ZNF280D: variants seen among roughly 807,000 people sequenced by gnomAD.
ZNF280D encodes the protein zinc finger protein 280D, also known as suppressor of hairy wing homolog 4.
In ZNF280D, 39 loss-of-function variants were observed where a neutral mutation model predicts 94.7. The ratio of observed to expected loss-of-function variants is 0.41; its 90% confidence interval spans 0.32 to 0.54. ZNF280D has a LOEUF of 0.54. Ranked by LOEUF, ZNF280D falls within the 20% of genes least tolerant of loss-of-function variation. The pLI, the probability that ZNF280D is intolerant of heterozygous loss-of-function variation, is 0.22. For synonymous variants in ZNF280D, 398 were observed against 377.6 expected (o/e 1.05, Z -0.63); for missense variants, 1,090 against 1,149.3 (o/e 0.95, Z 0.75).
chr15:56,688,981 T>C, intron 9 of ZNF280D, 60 bp downstream of exon 9: 1 of 1,026,402 alleles, frequency 9.7e-7, no homozygotes, highest in South Asian at 1.5e-5. Context: ...ATTACTGTAA[T>C]CATCAGTATT....
chr15:56,678,529 G>T (rs2055398248), intron 11 of ZNF280D, 135 bp downstream of exon 11: 3 of 651,244 alleles, frequency 4.6e-6, no homozygotes, highest in Non-Finnish European at 7.2e-6. Flanking sequence ...GTTAAAACTT[G>T]GCCTTTCAAT....
At chr15:56,714,982 A>G (rs976291200) in intron 1 of ZNF280D, among the ~76,000 whole-genome samples, 36 of 152,166 alleles carry the variant, frequency 2.4e-4, no homozygotes, top group African/African-American at 8.2e-4. Context: ...ATATCTTATA[A>G]AAGAGGATAT....
At chr15:56,654,886 G>C (rs1488050724) in intron 17 of ZNF280D, 2 of 454,304 alleles carry the variant, frequency 4.4e-6, no homozygotes, top group Non-Finnish European at 8.9e-6. Flanking sequence ...ATATTTACTG[G>C]AGCTATTTTT....
At chr15:56,664,240 T>A (rs2054142932) in intron 16 of ZNF280D, among the ~76,000 whole-genome samples, 1 of 151,998 alleles carries the variant, frequency 6.6e-6, no homozygotes, top group African/African-American at 2.4e-5. Context: ...ACTCAAAAGG[T>A]AAAGAAATGA....
chr15:56,653,713 A>G (rs1359688185), intron 19 of ZNF280D: 1 of 1,323,662 alleles, frequency 7.6e-7, no homozygotes, highest in Non-Finnish European at 9.6e-7. Context: ...CAGACAAAAG[A>G]CAAACAGCCA....
intron 1 of ZNF280D, among the ~76,000 whole-genome samples, chr15:56,719,875 T>G (rs1295106323): frequency 7.6e-6 from 1 of 130,728 alleles, no homozygotes; most frequent in African/African-American, 2.9e-5. Flanking sequence ...TAATAAAAAC[T>G]ACTTTATTGC....
intron 7 of ZNF280D, among the ~76,000 whole-genome samples, chr15:56,690,274 C>A (rs1310864106): frequency 6.6e-6 from 1 of 151,838 alleles, no homozygotes; most frequent in Non-Finnish European, 1.5e-5. Flanking sequence ...CCCAGCTACT[C>A]GGGAGGCTGA....
At chr15:56,655,645 T>C (rs1338819204) in intron 17 of ZNF280D, among the ~76,000 whole-genome samples, 1 of 152,248 alleles carries the variant, frequency 6.6e-6, no homozygotes, top group Non-Finnish European at 1.5e-5. Flanking sequence ...GTTTAGCATT[T>C]GCTATTTGAA....
intron 13 of ZNF280D, among the ~76,000 whole-genome samples, chr15:56,672,063 G>A (rs1196605129): frequency 1.3e-5 from 2 of 152,090 alleles, no homozygotes; most frequent in Non-Finnish European, 2.9e-5. Context: ...TTGCTTATCA[G>A]CTTAAGAAGC....
At chr15:56,709,106 T>C (rs1459828630) in intron 1 of ZNF280D, among the ~76,000 whole-genome samples, 1 of 152,078 alleles carries the variant, frequency 6.6e-6, no homozygotes, top group East Asian at 1.9e-4. Flanking sequence ...TGCAATCTAC[T>C]CATCTGACAA....
rs528767851 is a variant in ZNF280D at position 56,710,065 on chromosome 15, C to T, written c.-85-2759G>A. Among the ~76,000 whole-genome samples the T allele has an allele frequency of 3.9e-5, 6 of 152,278 alleles. No individual in the cohort carries two copies. The South Asian group carries it at 1.2e-3, about 32-fold the overall frequency. On this transcript the variant is annotated intron_variant, in intron 1 of 21. Coordinates refer to ENST00000267807, the MANE Select transcript of ZNF280D (RefSeq NM_017661.4). ...AGAGAATACATCCAACAAAGATGTT[C>T]AATGGAGACATCAAAGGCCTCAGCT...
At chr15:56,680,448 C>T (rs1450645763) in intron 10 of ZNF280D, among the ~76,000 whole-genome samples, 2 of 152,016 alleles carry the variant, frequency 1.3e-5, no homozygotes, top group African/African-American at 2.4e-5. Context: ...CGTAGCTAGT[C>T]TTCATAAACA....
Position 56,666,519 on chromosome 15 carries a change from G to A in ZNF280D, c.1870C>T (p.His624Tyr), listed in dbSNP as rs775517683. 6.3e-7 allele frequency: 1 copy of A among 1,594,638 alleles called. No homozygotes were observed. The highest frequency in any genetic ancestry group is 2.3e-5 in the East Asian group (1 of 44,302). ...LRNLRYRRGI[H>Y]KCIECCSEIK... ...TCGGAACAACACTCAATGCATTTGTGAATGCCCCGACGATACCTTAGGGAG... is the reference window on the plus strand; with the variant it reads ...TCGGAACAACACTCAATGCATTTGTAAATGCCCCGACGATACCTTAGGGAG... The change falls in exon 16 of 22, where the codon CAC (histidine) becomes TAC (tyrosine). Residue 624 changes from histidine to tyrosine, a missense_variant. His to Tyr is a moderately conservative substitution (Grantham distance 83). Coordinates refer to ENST00000267807, the MANE Select transcript of ZNF280D (RefSeq NM_017661.4).
chr15:56,723,660 A>G (rs1407517994), intron 1 of ZNF280D, among the ~76,000 whole-genome samples: 1 of 151,974 alleles, frequency 6.6e-6, no homozygotes, highest in Non-Finnish European at 1.5e-5. Flanking sequence ...TATCTAGTCA[A>G]TTCCCCAACC....
At chr15:56,724,428 A>T (rs6493883) in intron 1 of ZNF280D, among the ~76,000 whole-genome samples, 1 of 152,318 alleles carries the variant, frequency 6.6e-6, no homozygotes, top group East Asian at 1.9e-4. Context: ...TAAGGAGGCA[A>T]CACTTCTAAC....
chr15:56,710,339 G>C lies in ZNF280D; in HGVS notation c.-85-3033C>G, dbSNP rs550652116. On this transcript the variant is annotated intron_variant, in intron 1 of 21. Transcript: ENST00000267807. ...GAATCGCTTGAACCCAAGAGGCAGA[G>C]GGAGGTTGCAGTGAGCTGAGACTGC... Among the ~76,000 whole-genome samples, 18 of 152,182 alleles carry C rather than the reference G, an allele frequency of 1.2e-4. No homozygotes were observed. The South Asian group carries it at 1.7e-3, about 14-fold the overall frequency.
intron 17 of ZNF280D, among the ~76,000 whole-genome samples, chr15:56,656,284 C>T (rs1036148913): frequency 2.6e-5 from 4 of 152,124 alleles, no homozygotes; most frequent in Non-Finnish European, 5.9e-5. Context: ...AGAATAATTA[C>T]ATTAATCATT....
Position 56,631,594 on chromosome 15 carries a change from TTCA to T in ZNF280D, c.2841_2843del (p.Asp947del). ...TGTCATCTGTTTGATCAGACACTAC[TTCA>T]TCAGTCTTGGCTGAAGGATCACCAC... On this transcript the variant is annotated inframe_deletion, in exon 22 of 22. Transcript: ENST00000267807. 6.2e-7 allele frequency: 1 copy of T among 1,614,148 alleles called. No homozygotes were observed.
At chr15:56,690,242 C>T (rs2056345471) in intron 7 of ZNF280D, among the ~76,000 whole-genome samples, 1 of 151,940 alleles carries the variant, frequency 6.6e-6, no homozygotes, top group Non-Finnish European at 1.5e-5. Flanking sequence ...ATTAGCCTGG[C>T]GTGGTGACGG....
Sources: allele counts gnomAD v4.1 joint callset (sites outside exome capture counted in the v4.1 genomes callset), GRCh38; gene constraint gnomAD v4.1.1; transcripts MANE v1.5; gene names NCBI Gene and HGNC (gene_info 2026-07-23, HGNC 2026-07-21).